The following PTPRM variants were observed in gnomAD, a reference collection of about 807,000 sequenced individuals.
The protein encoded by PTPRM is protein tyrosine phosphatase receptor type M, also known as receptor-type tyrosine-protein phosphatase mu.
In PTPRM, 47 loss-of-function variants were observed where a neutral mutation model predicts 186.7. The observed-to-expected ratio is 0.25, with a 90% CI of 0.20 to 0.32. The LOEUF (loss-of-function observed/expected upper bound fraction) is 0.32, where lower values mean the gene tolerates loss of function less well. PTPRM is among the 10% of genes least tolerant of loss of function. The probability of loss-of-function intolerance (pLI) is 1.00; values close to 1 mark genes in which losing one functional copy is unlikely to be tolerated. For synonymous variants in PTPRM, 668 were observed against 674.9 expected, an observed-to-expected ratio of 0.99 and a Z score of 0.16; for missense variants, 1,494 against 1,865.0, an observed-to-expected ratio of 0.80 and a Z score of 3.66.
intron 11 of PTPRM, among the ~76,000 whole-genome samples, chr18:8,101,816 T>C (rs1942956): frequency 1.3e-5 from 2 of 152,094 alleles, no homozygotes; most frequent in Non-Finnish European, 2.9e-5. Flanking sequence ...GTCCCCCACT[T>C]TGCTTGATCA....
intron 19 of PTPRM, among the ~76,000 whole-genome samples, chr18:8,276,724 G>T (rs1186337801): frequency 3.3e-5 from 5 of 152,184 alleles, no homozygotes; most frequent in Non-Finnish European, 7.3e-5. Flanking sequence ...TGGGGCTCAT[G>T]CCGTTCTACA....
At chr18:8,260,109 G>T (rs2094613372) in intron 19 of PTPRM, among the ~76,000 whole-genome samples, 1 of 152,152 alleles carries the variant, frequency 6.6e-6, no homozygotes, top group South Asian at 2.1e-4. Context: ...TGAGGGCCAT[G>T]TGCTAAGTCA....
chr18:7,639,085 T>G (rs1172167006), intron 1 of PTPRM, among the ~76,000 whole-genome samples: 1 of 152,196 alleles, frequency 6.6e-6, no homozygotes, highest in East Asian at 1.9e-4. Context: ...TTTTCTCCAA[T>G]TTGATTGACT....
chr18:8,215,652 C>T (rs1003421), intron 14 of PTPRM, among the ~76,000 whole-genome samples: 40,461 of 149,896 alleles, frequency 0.27, 5,518 homozygotes, highest in Middle Eastern at 0.5. Context: ...AAGTGATCCT[C>T]TCATCTCAGT....
rs1346943120 is a variant in PTPRM, at chr18:7,664,174, A to G, written c.73+96283A>G. Among the ~76,000 whole-genome samples the G allele has an allele frequency of 2.6e-5, 4 of 152,212 alleles. No homozygotes were observed. In the East Asian group the frequency reaches 7.7e-4, roughly 29 times the overall value. On this transcript the variant is annotated intron_variant, in intron 1 of 32. Transcript: ENST00000580170. ...AAACATCATAGGCATGTGTGTACCCAGCCCTCTTTGTGTCTCTCTGCCAGG... is the reference window on the plus strand; with the variant it reads ...AAACATCATAGGCATGTGTGTACCCGGCCCTCTTTGTGTCTCTCTGCCAGG...
chr18:8,141,637 A>C (rs892745887), intron 13 of PTPRM, among the ~76,000 whole-genome samples: 3 of 152,178 alleles, frequency 2.0e-5, no homozygotes, highest in Non-Finnish European at 4.4e-5. Flanking sequence ...AAGGTAAATA[A>C]GTTTTTCTAA....
chr18:7,700,753 G>A (rs1377535994), intron 1 of PTPRM, among the ~76,000 whole-genome samples: 2 of 152,106 alleles, frequency 1.3e-5, no homozygotes, highest in East Asian at 1.9e-4. Context: ...CACTTTGGGA[G>A]GCTGAGGGAG....
chr18:7,809,286 C>G (rs574452186), intron 2 of PTPRM, among the ~76,000 whole-genome samples: 1 of 152,164 alleles, frequency 6.6e-6, no homozygotes, highest in Non-Finnish European at 1.5e-5. Context: ...CTCTATTTTC[C>G]ATCTGCAAAT....
At chr18:7,627,688 T>C (rs2038094259) in intron 1 of PTPRM, among the ~76,000 whole-genome samples, 1 of 152,200 alleles carries the variant, frequency 6.6e-6, no homozygotes, top group Admixed American at 6.5e-5. Flanking sequence ...GCATGGGAGT[T>C]GAGTACTTGG....
At chr18:7,811,494 A>C (rs2044512856) in intron 2 of PTPRM, among the ~76,000 whole-genome samples, 1 of 152,118 alleles carries the variant, frequency 6.6e-6, no homozygotes, top group African/African-American at 2.4e-5. Flanking sequence ...AGTATCTGGG[A>C]ATACTGGCAT....
At chr18:7,873,690 G>A (rs1363537604) in intron 2 of PTPRM, among the ~76,000 whole-genome samples, 2 of 152,096 alleles carry the variant, frequency 1.3e-5, no homozygotes, top group Non-Finnish European at 2.9e-5. Context: ...CTTTTGGGCT[G>A]GAAGCTGCTT....
intron 1 of PTPRM, among the ~76,000 whole-genome samples, chr18:7,661,983 T>TG: frequency 6.6e-6 from 1 of 152,316 alleles, no homozygotes; most frequent in Admixed American, 6.5e-5. Context: ...AGTGGTACAA[T>TG]CACAGCTCAC....
intron 13 of PTPRM, among the ~76,000 whole-genome samples, chr18:8,118,707 G>A (rs978255689): frequency 6.6e-6 from 1 of 151,660 alleles, no homozygotes; most frequent in East Asian, 1.9e-4. Context: ...GGCTGAGGCA[G>A]GAGAATCACT....
At chr18:7,616,789 C>T (rs2037816087) in intron 1 of PTPRM, among the ~76,000 whole-genome samples, 1 of 152,176 alleles carries the variant, frequency 6.6e-6, no homozygotes, top group African/African-American at 2.4e-5. Context: ...CCTGTCTTCC[C>T]ACTTGGGGTG....
At chr18:8,244,032 T>G in intron 14 of PTPRM, 26 bp from the exon 15 acceptor site, 2 of 1,598,694 alleles carry the variant, frequency 1.3e-6, no homozygotes, top group Non-Finnish European at 1.7e-6. Flanking sequence ...AATGCATGCC[T>G]ACATAATTGA....
At chr18:8,393,622 G>A (rs1331662909) in intron 31 of PTPRM, among the ~76,000 whole-genome samples, 1 of 152,214 alleles carries the variant, frequency 6.6e-6, no homozygotes. Context: ...TTTGCATAAT[G>A]CGCTGTGGGC....
chr18:8,160,975 A>G (rs2093219421), intron 14 of PTPRM, among the ~76,000 whole-genome samples: 1 of 152,228 alleles, frequency 6.6e-6, no homozygotes, highest in African/African-American at 2.4e-5. Context: ...CCTGATTTCT[A>G]TAAAAGCCTG....
At chr18:7,937,257 G>T (rs775915059) in intron 5 of PTPRM, among the ~76,000 whole-genome samples, 1 of 152,234 alleles carries the variant, frequency 6.6e-6, no homozygotes, top group African/African-American at 2.4e-5. Flanking sequence ...CCTTCAGGGA[G>T]CCCAGACCTA....
chr18:7,986,095 G>T (rs903247932), intron 7 of PTPRM, among the ~76,000 whole-genome samples: 7 of 152,068 alleles, frequency 4.6e-5, no homozygotes, highest in African/African-American at 4.8e-5. Flanking sequence ...GCTGTCTAAG[G>T]CCCAATGCTC....
Sources: gnomAD v4.1 joint callset for allele counts (sites outside exome capture counted in the v4.1 genomes callset) on GRCh38, gnomAD v4.1.1 for gene constraint, MANE v1.5 for transcripts, NCBI Gene and HGNC (gene_info 2026-07-23, HGNC 2026-07-21) for gene names.